Variants in ABCB11 observed in about 807,000 individuals in gnomAD.
The protein encoded by ABCB11 is bile salt export pump.
A neutral mutation model predicts 148.0 loss-of-function variants in ABCB11; 95 were observed. The observed-to-expected ratio is 0.64, with a 90% confidence interval of 0.54 to 0.76. The LOEUF is 0.76. ABCB11 is among the 30% of genes least tolerant of loss of function. The pLI is 0.00. For synonymous variants in ABCB11, 591 were observed against 555.4 expected (o/e 1.06, Z -0.90); for missense variants, 1,523 against 1,617.8 (o/e 0.94, Z 1.01).
chr2:168,979,568 C>T (rs776733149), intron 11 of ABCB11, among the ~76,000 whole-genome samples: 16 of 151,464 alleles, frequency 1.1e-4, no homozygotes, highest in African/African-American at 3.4e-4. Context: ...TGCATTCACT[C>T]CCTTGAGGCA....
At chr2:168,985,252 T>C (rs115929498) in intron 10 of ABCB11, among the ~76,000 whole-genome samples, 3,637 of 152,228 alleles carry the variant, frequency 0.024, 67 homozygotes, top group African/African-American at 0.042. Context: ...ACATAATAGA[T>C]GTTGGCATGG....
At chr2:168,942,890 A>T (rs545951828) in intron 21 of ABCB11, among the ~76,000 whole-genome samples, 1 of 152,084 alleles carries the variant, frequency 6.6e-6, no homozygotes, top group East Asian at 1.9e-4. Flanking sequence ...ATGGGAGGAA[A>T]CATTTCAAAC....
intron 19 of ABCB11, among the ~76,000 whole-genome samples, chr2:168,949,322 A>C (rs1692461614): frequency 6.6e-6 from 1 of 151,622 alleles, no homozygotes; most frequent in Admixed American, 6.6e-5. Context: ...ATTGTACCCA[A>C]TAGGCAATTT....
chr2:168,998,009 G>A (rs1320858464), intron 5 of ABCB11, among the ~76,000 whole-genome samples: 3 of 151,996 alleles, frequency 2.0e-5, no homozygotes, highest in Non-Finnish European at 4.4e-5. Flanking sequence ...GGTCTCTTGT[G>A]CTCACCACAT....
chr2:168,915,623 A>G (rs1392098571), exon 3 of ABCB11, among the ~76,000 whole-genome samples: 1 of 152,222 alleles, frequency 6.6e-6, no homozygotes, highest in Non-Finnish European at 1.5e-5. Flanking sequence ...CAGGCTGAAT[A>G]TCTTCCTGCT....
chr2:169,015,369 T>G (rs557273301), intron 3 of ABCB11, among the ~76,000 whole-genome samples: 63 of 152,262 alleles, frequency 4.1e-4, no homozygotes, highest in African/African-American at 1.4e-3. Context: ...GCTTCCCTTC[T>G]GGCCCAGAAA....
At chr2:168,995,975 TAAAAAAAAAAA>T (rs3083997) in intron 6 of ABCB11, among the ~76,000 whole-genome samples, 8 of 63,036 alleles carry the variant, frequency 1.3e-4, no homozygotes, top group Non-Finnish European at 1.7e-4. Flanking sequence ...TTTCCCTAAC[TAAAAAAAAAAA>T]AAAAAAAAAA....
rs762423892 is a variant in ABCB11 at position 168,944,642 on chromosome 2, G to C, written c.2573C>G (p.Thr858Arg). 1.2e-6 allele frequency: 2 copies of C among 1,611,490 alleles called. No homozygotes were observed. Among genetic ancestry groups the C allele is most frequent in the Non-Finnish European group, 1.7e-6 (2 of 1,178,624 alleles). ...GGAAGCATCTGTAGCAAGTCTTGTT[G>C]TCAATGCTCCAGGGCTATTTCTGAG... ...DDLRNSPGAL[T>R]TRLATDASQV... Residue 858 changes from threonine (T) to arginine (R), a missense_variant, in exon 21 of 28, where the codon ACA becomes AGA. Coordinates refer to ENST00000650372, the MANE Select transcript of ABCB11 (RefSeq NM_003742.4).
chr2:168,997,725 C>T (rs929394866), intron 5 of ABCB11, among the ~76,000 whole-genome samples: 1 of 151,994 alleles, frequency 6.6e-6, no homozygotes, highest in East Asian at 1.9e-4. Flanking sequence ...CTCTATTGAA[C>T]TCAGGTCAAG....
intron 4 of ABCB11, among the ~76,000 whole-genome samples, chr2:169,014,008 TA>T (rs2106049304): frequency 6.6e-6 from 1 of 152,290 alleles, no homozygotes; most frequent in African/African-American, 2.4e-5. Flanking sequence ...GTCATAAGAA[TA>T]AATATATATA....
chr2:168,994,489 G>T (rs1010379011), intron 7 of ABCB11, among the ~76,000 whole-genome samples: 2 of 151,938 alleles, frequency 1.3e-5, no homozygotes, highest in Non-Finnish European at 2.9e-5. Context: ...CAATTTTCTT[G>T]TCTGTAAAAT....
chr2:168,999,450 C>T (rs1694810661), intron 5 of ABCB11, among the ~76,000 whole-genome samples: 1 of 151,986 alleles, frequency 6.6e-6, no homozygotes, highest in African/African-American at 2.4e-5. Flanking sequence ...TCAAGACTCC[C>T]TCATATTGTC....
rs1694838634 is a variant in ABCB11, at chr2:169,000,486, G to T, written c.390-3764C>A. Among the ~76,000 whole-genome samples the T allele has an allele frequency of 2.0e-5, 3 of 151,754 alleles. No homozygotes were observed. The South Asian group carries it at 6.2e-4, about 31-fold the overall frequency. On this transcript the variant is annotated intron_variant, in intron 5 of 27. Transcript: ENST00000650372. The stretch of plus-strand genomic sequence containing the variant: ...AATTTTTGTGTAATTTCATTTTTTT[G>T]CCCTATGGATGTCCAGCTGCTCCAC...
At position 168,921,863 on chromosome 2, in the gene ABCB11, C is replaced by CTT. The variant is rs58414999; in HGVS notation, c.*1757_*1758dup. On this transcript the variant is annotated 3_prime_UTR_variant, in exon 28 of 28. Transcript: ENST00000650372. ...CTTGACCTCTTTTCTTTTTCTTTTT[C>CTT]TTTTTTTTTTTTTTTCGCTCTGTCG... is the stretch of plus-strand genomic sequence containing the variant. Among the ~76,000 whole-genome samples, 1,230 of 123,876 alleles carry CTT rather than the reference C, an allele frequency of 9.9e-3. 36 individuals carry two copies. Among genetic ancestry groups the CTT allele is most frequent in the African/African-American group, 0.037 (1,146 of 31,372 alleles). 81.3% of individuals were successfully genotyped at this position (123,876 alleles called of 152,430 possible).
chr2:168,970,576 C>A, intron 14 of ABCB11: 1 of 354,038 alleles, frequency 2.8e-6, no homozygotes. Flanking sequence ...TCCTGTTAGA[C>A]AACACAGCAA....
rs937958889 is a variant in ABCB11 at position 169,025,421 on chromosome 2, T to A, written c.-28+5804A>T. ...GGTGTGAAGATGAAATGAAACTGTA[T>A]CTCTACAGCAGCCAGCAAAAGGGAG... On this transcript the variant is annotated intron_variant, in intron 1 of 27. Transcript: ENST00000650372. Among the ~76,000 whole-genome samples, 7 of 152,136 alleles carry A rather than the reference T, an allele frequency of 4.6e-5. No individual in the cohort carries two copies. In the East Asian group the frequency reaches 1.4e-3, roughly 29 times the overall value.
chr2:169,003,323 C>CATGT (rs373164160), intron 5 of ABCB11, among the ~76,000 whole-genome samples: 1 of 141,628 alleles, frequency 7.1e-6, no homozygotes. Flanking sequence ...TTCCATGGTG[C>CATGT]GTGTGTGTGT....
rs981877922 is a variant in ABCB11, at chr2:169,014,335, C to T, written c.118G>A (p.Gly40Ser). The T allele has an allele frequency of 6.2e-7, 1 of 1,613,294 alleles. No individual in the cohort carries two copies. Among genetic ancestry groups the T allele is most frequent in the Non-Finnish European group, 8.5e-7 (1 of 1,179,568 alleles). ...KKSRLQDEKK[G>S]DGVRVGFFQL... is the part of the protein sequence containing the mutation. ...AAGAAGCCAACTCTAACGCCATCAC[C>T]TTTCTTCTCATCTTGTAACCTGATG... Residue 40 changes from glycine (G) to serine (S), a missense_variant, in exon 4 of 28, where the codon GGT (glycine) becomes AGT (serine). By Grantham distance (56) the Gly-to-Ser change is moderately conservative (BLOSUM62 0). Transcript: ENST00000650372.
intron 8 of ABCB11, 71 bp downstream of exon 8, chr2:168,993,640 A>G: frequency 1.4e-6 from 2 of 1,439,790 alleles, no homozygotes; most frequent in African/African-American, 1.4e-5. Context: ...AAAGGGACTC[A>G]AGCTTCACAT....
Sources: allele counts gnomAD v4.1 joint callset (sites outside exome capture counted in the v4.1 genomes callset), GRCh38; gene constraint gnomAD v4.1.1; transcripts MANE v1.5; gene names NCBI Gene and HGNC (gene_info 2026-07-23, HGNC 2026-07-21).